The following QTMAN variants were observed in gnomAD, a reference collection of about 807,000 sequenced individuals.
The protein encoded by QTMAN is queuosine-tRNA mannosyltransferase.
the QTMAN span, among the ~76,000 whole-genome samples, chr2:144,104,921 C>T: frequency 2.2e-4 from 33 of 152,320 alleles, no homozygotes; most frequent in East Asian, 4.6e-3. Flanking sequence ...TCCAGGGGAA[C>T]GATCAGGCAG....
chr2:144,094,326 C>T, the QTMAN span, among the ~76,000 whole-genome samples: 1 of 152,120 alleles, frequency 6.6e-6, no homozygotes, highest in Admixed American at 6.5e-5. Context: ...TGAAATTTAT[C>T]TTCTCGGTAT....
At chr2:144,172,953 C>A in the QTMAN span, among the ~76,000 whole-genome samples, 690 of 152,148 alleles carry the variant, frequency 4.5e-3, 2 homozygotes, top group Non-Finnish European at 7.0e-3. Context: ...TCAACTCTAT[C>A]TTCTTGTGTT....
the QTMAN span, among the ~76,000 whole-genome samples, chr2:144,285,891 T>C: frequency 1.3e-5 from 2 of 152,226 alleles, no homozygotes; most frequent in Admixed American, 6.5e-5. Context: ...CGTGCCCTTC[T>C]AGTAGCTTGT....
chr2:144,210,083 G>T, the QTMAN span, among the ~76,000 whole-genome samples: 1 of 151,984 alleles, frequency 6.6e-6, no homozygotes, highest in Admixed American at 6.6e-5. Context: ...GGGGGACTGT[G>T]TGTGTATATT....
At chr2:144,183,150 T>C in the QTMAN span, among the ~76,000 whole-genome samples, 1 of 151,488 alleles carries the variant, frequency 6.6e-6, no homozygotes, top group Non-Finnish European at 1.5e-5. Flanking sequence ...TTGGTTAATA[T>C]TGATACAATA....
chr2:143,944,009 T>C, the QTMAN span: 1 of 152,104 alleles, frequency 6.6e-6, no homozygotes, highest in South Asian at 2.1e-4. Flanking sequence ...ATTGACTTTA[T>C]TTTAAAAGAA....
the QTMAN span, among the ~76,000 whole-genome samples, chr2:144,067,738 C>T: frequency 3.9e-5 from 6 of 152,142 alleles, no homozygotes; most frequent in Non-Finnish European, 5.9e-5. Flanking sequence ...AAAATGCCAG[C>T]TGGAAGAAGG....
the QTMAN span, among the ~76,000 whole-genome samples, chr2:143,958,527 A>T: frequency 1.3e-5 from 2 of 152,088 alleles, no homozygotes; most frequent in Admixed American, 1.3e-4. Flanking sequence ...AATTCAACCT[A>T]AATTGAGTGC....
chr2:143,987,712 T>C, the QTMAN span, among the ~76,000 whole-genome samples: 4 of 152,248 alleles, frequency 2.6e-5, no homozygotes, highest in African/African-American at 9.6e-5. Flanking sequence ...GGCAAGGATA[T>C]TGTATAGTCT....
At chr2:144,071,266 C>T in the QTMAN span, among the ~76,000 whole-genome samples, 1 of 149,462 alleles carries the variant, frequency 6.7e-6, no homozygotes, top group East Asian at 2.0e-4. Flanking sequence ...GAATATCAGT[C>T]TTAGGAACAA....
chr2:144,251,548 GACCTT>G, the QTMAN span, among the ~76,000 whole-genome samples: 18 of 152,062 alleles, frequency 1.2e-4, no homozygotes, highest in Admixed American at 1.2e-3. Flanking sequence ...TCATAATGAA[GACCTT>G]ACAATATACT....
At chr2:143,964,591 TC>T in the QTMAN span, among the ~76,000 whole-genome samples, 4 of 152,058 alleles carry the variant, frequency 2.6e-5, no homozygotes, top group African/African-American at 9.7e-5. Flanking sequence ...TTCTAGTATT[TC>T]CCCCTTAGTA....
chr2:144,273,693 T>C, the QTMAN span, among the ~76,000 whole-genome samples: 5 of 152,214 alleles, frequency 3.3e-5, no homozygotes, highest in African/African-American at 1.2e-4. Context: ...CATAAATTAC[T>C]GGATGTAACC....
the QTMAN span, among the ~76,000 whole-genome samples, chr2:144,051,552 T>C: frequency 6.6e-6 from 1 of 152,162 alleles, no homozygotes; most frequent in Non-Finnish European, 1.5e-5. Context: ...TGCATTTTCC[T>C]GATCGCTACT....
chr2:144,288,856 C>A, the QTMAN span, among the ~76,000 whole-genome samples: 2 of 151,928 alleles, frequency 1.3e-5, no homozygotes, highest in African/African-American at 4.8e-5. Flanking sequence ...ACCCCAAGCC[C>A]CTGGTGCAAC....
the QTMAN span, among the ~76,000 whole-genome samples, chr2:144,293,812 T>C: frequency 8.5e-5 from 13 of 152,358 alleles, no homozygotes; most frequent in Middle Eastern, 3.4e-3. Context: ...AAAGACTACA[T>C]GCAGGCAAGT....
the QTMAN span, among the ~76,000 whole-genome samples, chr2:144,267,515 G>A: frequency 6.6e-6 from 1 of 152,110 alleles, no homozygotes; most frequent in Admixed American, 6.5e-5. Flanking sequence ...TGGGACAAAA[G>A]CCAGATTGCA....
the QTMAN span, among the ~76,000 whole-genome samples, chr2:143,997,646 A>G: frequency 6.6e-6 from 1 of 152,136 alleles, no homozygotes; most frequent in Non-Finnish European, 1.5e-5. Flanking sequence ...TCATATAGAC[A>G]TAAGAATTTT....
At chr2:144,093,212 T>C in the QTMAN span, among the ~76,000 whole-genome samples, 1 of 152,160 alleles carries the variant, frequency 6.6e-6, no homozygotes, top group African/African-American at 2.4e-5. Context: ...AGTTCTAAAG[T>C]TCTAAGATGA....
Sources: gnomAD v4.1 joint callset for allele counts (sites outside exome capture counted in the v4.1 genomes callset) on GRCh38, gnomAD v4.1.1 for gene constraint, MANE v1.5 for transcripts, NCBI Gene and HGNC (gene_info 2026-07-23, HGNC 2026-07-21) for gene names.